Variants in ADTRP observed in about 807,000 individuals in gnomAD.
ADTRP encodes androgen-dependent TFPI-regulating protein.
A neutral mutation model predicts 27.0 loss-of-function variants in ADTRP; 20 were observed. The observed-to-expected ratio is 0.74, with a 90% CI of 0.52 to 1.08. The LOEUF (loss-of-function observed/expected upper bound fraction) is 1.08. Ranked by LOEUF, ADTRP falls within the 50% of genes least tolerant of loss-of-function variation. ADTRP has a pLI of 0.00. For missense variants in ADTRP, 251 were observed against 275.0 expected (o/e 0.91, Z 0.62); for synonymous variants, 101 against 105.2 (o/e 0.96, Z 0.25).
intron 4 of ADTRP, among the ~76,000 whole-genome samples, chr6:11,727,706 C>G (rs1323831776): frequency 1.3e-5 from 2 of 152,014 alleles, no homozygotes; most frequent in Non-Finnish European, 2.9e-5. Context: ...TGTACTTTCA[C>G]AGATAAAGTG....
chr6:11,769,018 G>C (rs948524978), intron 1 of ADTRP, among the ~76,000 whole-genome samples: 2 of 152,236 alleles, frequency 1.3e-5, no homozygotes, highest in African/African-American at 2.4e-5. Context: ...CAAGCCATGA[G>C]CGCTGGTGGG....
intron 4 of ADTRP, among the ~76,000 whole-genome samples, chr6:11,734,480 G>C (rs1762482320): frequency 6.6e-6 from 1 of 152,206 alleles, no homozygotes; most frequent in Non-Finnish European, 1.5e-5. Context: ...GAGTCTGGGG[G>C]TAGATTTATT....
At position 11,714,435 on chromosome 6, in the gene ADTRP, C is replaced by A; in HGVS notation, c.*43G>T. On this transcript the variant is annotated 3_prime_UTR_variant, in exon 6 of 6. Transcript: ENST00000414691. ...AAAAAAAAAAAGATGAGAAAAATCT[C>A]TTGTGTTTTCTTCTTTCTTGGTTCT... 5.1e-6 allele frequency: 8 copies of A among 1,557,530 alleles called. No homozygotes were observed. Among genetic ancestry groups the A allele is most frequent in the Admixed American group, 1.9e-5 (1 of 53,702 alleles).
At chr6:11,750,132 A>G (rs1012255442) in intron 3 of ADTRP, among the ~76,000 whole-genome samples, 1 of 152,240 alleles carries the variant, frequency 6.6e-6, no homozygotes, top group African/African-American at 2.4e-5. Flanking sequence ...AAAGGCCCCA[A>G]TATGATTCAC....
intron 1 of ADTRP, among the ~76,000 whole-genome samples, chr6:11,771,488 T>C (rs1218002726): frequency 1.3e-5 from 2 of 152,148 alleles, no homozygotes; most frequent in Non-Finnish European, 2.9e-5. Flanking sequence ...TGGGGAGGCT[T>C]CCAGGAGGGC....
At position 11,749,049 on chromosome 6, in the gene ADTRP, C is replaced by T. The variant is rs914355114; in HGVS notation, c.391-13366G>A. Among the ~76,000 whole-genome samples, 6 of 152,218 alleles carry T rather than the reference C, an allele frequency of 3.9e-5. No individual in the cohort carries two copies. In the South Asian group the frequency reaches 1.0e-3, roughly 26 times the overall value. ...AGGCCTGAAAATGAAAGCTGGAGGA[C>T]CAGTTTGGAGATGTTGTATTTAGGT... is the stretch of plus-strand genomic sequence containing the variant. On this transcript the variant is annotated intron_variant, in intron 3 of 5. Coordinates refer to ENST00000414691, the MANE Select transcript of ADTRP (RefSeq NM_032744.4).
Position 11,766,006 on chromosome 6 carries a change from C to T in ADTRP, c.390+268G>A, listed in dbSNP as rs571822133. Among the ~76,000 whole-genome samples the T allele has an allele frequency of 9.9e-5, 15 of 152,230 alleles. No homozygotes were observed. The South Asian group carries it at 1.5e-3, about 15-fold the overall frequency. On this transcript the variant is annotated intron_variant, in intron 3 of 5. Transcript: ENST00000414691. The stretch of plus-strand genomic sequence containing the variant: ...AAGTCACTTCTCTTTCAGGCCTGTC[C>T]TCTCAGAACTGTGTGTCTTTTCAAA...
At chr6:11,774,823 G>C (rs902762640) in intron 1 of ADTRP, among the ~76,000 whole-genome samples, 1 of 152,176 alleles carries the variant, frequency 6.6e-6, no homozygotes, top group Non-Finnish European at 1.5e-5. Context: ...ATATTCTCTG[G>C]GATTAGGGAC....
chr6:11,749,324 A>G (rs376456910), intron 3 of ADTRP, among the ~76,000 whole-genome samples: 36 of 152,310 alleles, frequency 2.4e-4, no homozygotes, highest in African/African-American at 8.2e-4. Flanking sequence ...AATACAATAT[A>G]TTCAGTGAGA....
chr6:11,715,806 C>CTTTTTTTTTTTTTTTTTTTTTTTT (rs55961408), intron 5 of ADTRP, among the ~76,000 whole-genome samples: 1 of 77,700 alleles, frequency 1.3e-5, no homozygotes, highest in Non-Finnish European at 2.2e-5. Flanking sequence ...CCATGCCCAG[C>CTTTTTTTTTTTTTTTTTTTTTTTT]TTTTTTTTTT....
chr6:11,771,214 C>T (rs547112021), intron 1 of ADTRP, among the ~76,000 whole-genome samples: 5 of 152,372 alleles, frequency 3.3e-5, no homozygotes, highest in Admixed American at 6.5e-5. Context: ...CCCCAGCTCA[C>T]GGTTACTTCT....
chr6:11,778,579 G>C, intron 1 of ADTRP, 28 bp downstream of exon 1: 1 of 1,602,330 alleles, frequency 6.2e-7, no homozygotes, highest in Non-Finnish European at 8.5e-7. Flanking sequence ...GAAATGGATC[G>C]GTTCCTGGTA....
At chr6:11,719,264 T>C (rs1273361315) in intron 5 of ADTRP, among the ~76,000 whole-genome samples, 1 of 152,156 alleles carries the variant, frequency 6.6e-6, no homozygotes, top group Non-Finnish European at 1.5e-5. Context: ...AATCTCAAAC[T>C]GCACCCCAGA....
intron 3 of ADTRP, among the ~76,000 whole-genome samples, chr6:11,749,702 C>A (rs1193535491): frequency 6.6e-6 from 1 of 151,972 alleles, no homozygotes; most frequent in Non-Finnish European, 1.5e-5. Flanking sequence ...AAGATGGGGG[C>A]AAAAACAGGT....
At chr6:11,755,798 A>G (rs1763198006) in intron 3 of ADTRP, among the ~76,000 whole-genome samples, 1 of 152,204 alleles carries the variant, frequency 6.6e-6, no homozygotes, top group Admixed American at 6.5e-5. Context: ...TAATGCTAAA[A>G]CCTGAAATGA....
chr6:11,727,538 T>C (rs889791629), intron 4 of ADTRP, among the ~76,000 whole-genome samples: 2 of 152,186 alleles, frequency 1.3e-5, no homozygotes, highest in Non-Finnish European at 2.9e-5. Flanking sequence ...TTTATATAGT[T>C]GAAATTAGGG....
intron 5 of ADTRP, among the ~76,000 whole-genome samples, chr6:11,718,219 C>T (rs1046987677): frequency 2.9e-4 from 44 of 152,342 alleles, no homozygotes; most frequent in African/African-American, 1.0e-3. Flanking sequence ...TGACAAAGGA[C>T]AGCCTGACTC....
At chr6:11,749,311 T>G (rs1240876769) in intron 3 of ADTRP, among the ~76,000 whole-genome samples, 1 of 152,156 alleles carries the variant, frequency 6.6e-6, no homozygotes, top group African/African-American at 2.4e-5. Context: ...GATATTATAA[T>G]ATAATACAAT....
chr6:11,775,755 T>A (rs1029328775), intron 1 of ADTRP, among the ~76,000 whole-genome samples: 2 of 152,162 alleles, frequency 1.3e-5, no homozygotes, highest in Non-Finnish European at 2.9e-5. Context: ...TGGGATAGCT[T>A]CAAGGGGAAC....
Sources: gnomAD v4.1 joint callset for allele counts (sites outside exome capture counted in the v4.1 genomes callset) on GRCh38, gnomAD v4.1.1 for gene constraint, MANE v1.5 for transcripts, NCBI Gene and HGNC (gene_info 2026-07-23, HGNC 2026-07-21) for gene names.